Variants in CACNA1C observed in about 807,000 individuals in gnomAD.
CACNA1C encodes voltage-dependent L-type calcium channel subunit alpha-1C.
CACNA1C carries 30 observed loss-of-function variants against 229.0 expected under a neutral mutation model. The ratio of observed to expected loss-of-function variants is 0.13; its 90% CI spans 0.10 to 0.18. The LOEUF (loss-of-function observed/expected upper bound fraction) is 0.18. Ranked by LOEUF, CACNA1C falls within the 10% of genes least tolerant of loss-of-function variation. The pLI is 1.00. For synonymous variants in CACNA1C, 1,114 were observed against 1,132.5 expected (o/e 0.98, Z 0.33); for missense variants, 1,658 against 2,845.0 (o/e 0.58, Z 9.49).
intron 21 of CACNA1C, among the ~76,000 whole-genome samples, chr12:2,598,476 TC>T (rs1178602559): frequency 6.6e-6 from 1 of 152,194 alleles, no homozygotes; most frequent in Non-Finnish European, 1.5e-5. Flanking sequence ...TGTGCTCCTC[TC>T]TGAGCAAGGG....
chr12:2,136,006 G>A (rs1048950179), intron 3 of CACNA1C, among the ~76,000 whole-genome samples: 2 of 150,512 alleles, frequency 1.3e-5, no homozygotes, highest in South Asian at 2.1e-4. Context: ...ATATAGTCTC[G>A]TGGTGCGCCG....
chr12:2,204,981 A>G (rs1478491255), intron 3 of CACNA1C, among the ~76,000 whole-genome samples: 1 of 151,696 alleles, frequency 6.6e-6, no homozygotes, highest in Non-Finnish European at 1.5e-5. Flanking sequence ...CAAAAAAAAA[A>G]CCTCTTAGAT....
chr12:2,051,929 C>CAT (rs1174174571), upstream of CACNA1C, among the ~76,000 whole-genome samples: 1 of 152,170 alleles, frequency 6.6e-6, no homozygotes, highest in Non-Finnish European at 1.5e-5. Context: ...GTTAGGGTCA[C>CAT]CCAGGGAATG....
At position 2,601,759 on chromosome 12, in the gene CACNA1C, C is replaced by A. The variant is rs1336912513; in HGVS notation, c.2854-95C>A. 3.7e-6 allele frequency: 3 copies of A among 809,974 alleles called. No homozygotes were observed. In the Admixed American group the frequency reaches 5.4e-5, roughly 15 times the overall value. The allele number at this position is 809,974 out of a possible 1,614,324, so 50.2% of individuals were successfully genotyped here. A position where few individuals can be genotyped will look rare whatever the true frequency, so the allele number is the denominator to read the frequency against. On this transcript the variant is annotated intron_variant, in intron 21 of 46. Coordinates refer to ENST00000399655, the MANE Select transcript of CACNA1C (RefSeq NM_000719.7). This position sits in a 1 kb window ranked among gnomAD's most constrained non-coding sequence, Gnocchi z 5.9. The stretch of plus-strand genomic sequence containing the variant: ...CCCCATGGATGGTGCTTGGGACTTG[C>A]CCAAGGGATGCTGTGGGAGGAAGGG...
chr12:2,640,418 T>C (rs1474195955), intron 30 of CACNA1C, among the ~76,000 whole-genome samples: 2 of 152,208 alleles, frequency 1.3e-5, no homozygotes, highest in Non-Finnish European at 2.9e-5. Flanking sequence ...TGTCGGTTGA[T>C]GCTGCGGATG....
chr12:1,994,466 C>T (rs984186998), intron 1 of CACNA1C, among the ~76,000 whole-genome samples: 35 of 152,184 alleles, frequency 2.3e-4, no homozygotes, highest in African/African-American at 8.2e-4. Context: ...CAATCCTTGC[C>T]TAGCTTATTT....
rs190241927 is a variant in CACNA1C at position 2,416,220 on chromosome 12, C to T, written c.478-32756C>T. Among the ~76,000 whole-genome samples the T allele has an allele frequency of 1.2e-4, 18 of 152,298 alleles. No homozygotes were observed. The East Asian group carries it at 2.1e-3, about 18-fold the overall frequency. On this transcript the variant is annotated intron_variant, in intron 3 of 46. Coordinates refer to ENST00000399655, the MANE Select transcript of CACNA1C (RefSeq NM_000719.7). ...CGTCCTTCCCACCTGCGTGCACCTC[C>T]GTGACAGCACCCTTCCTTTATGGCT...
intron 9 of CACNA1C, among the ~76,000 whole-genome samples, chr12:2,548,169 C>A (rs1391141418): frequency 6.6e-6 from 1 of 152,104 alleles, no homozygotes; most frequent in Non-Finnish European, 1.5e-5. Context: ...TTGAGCAAAG[C>A]CCCTGGCAAG....
chr12:2,648,535 C>T, intron 31 of CACNA1C, 28 bp downstream of exon 31: 1 of 1,611,782 alleles, frequency 6.2e-7, no homozygotes, highest in Non-Finnish European at 8.5e-7. Context: ...GACCATGCTC[C>T]CGGCTTCCGT....
intron 3 of CACNA1C, among the ~76,000 whole-genome samples, chr12:2,384,456 A>G (rs954564941): frequency 2.6e-5 from 4 of 152,192 alleles, no homozygotes; most frequent in African/African-American, 7.2e-5. Flanking sequence ...GAATGAGCAC[A>G]ATTAGAGGTC....
chr12:2,264,471 G>A (rs2081536733), intron 3 of CACNA1C, among the ~76,000 whole-genome samples: 1 of 152,244 alleles, frequency 6.6e-6, no homozygotes, highest in Admixed American at 6.5e-5. Context: ...GGTCCAGGGA[G>A]ATGATGGGAC....
chr12:2,440,931 G>C (rs1244593190), intron 3 of CACNA1C, among the ~76,000 whole-genome samples: 1 of 152,186 alleles, frequency 6.6e-6, no homozygotes, highest in Admixed American at 6.5e-5. Context: ...TGAATACATG[G>C]GAGAAGAATG....
chr12:2,225,037 A>G (rs1047480922), intron 3 of CACNA1C, among the ~76,000 whole-genome samples: 1 of 152,164 alleles, frequency 6.6e-6, no homozygotes, highest in East Asian at 1.9e-4. Context: ...CTCTAAACTT[A>G]AGAGTGTGAA....
chr12:2,183,939 T>C (rs1312840855), intron 3 of CACNA1C, among the ~76,000 whole-genome samples: 1 of 152,238 alleles, frequency 6.6e-6, no homozygotes, highest in Non-Finnish European at 1.5e-5. Context: ...TTATGAATTA[T>C]ATCCATCCAC....
intron 3 of CACNA1C, among the ~76,000 whole-genome samples, chr12:2,369,113 C>G (rs2097787937): frequency 6.6e-6 from 1 of 152,202 alleles, no homozygotes; most frequent in South Asian, 2.1e-4. Context: ...ATGCATCAGT[C>G]AAAGGCAGAA....
intron 13 of CACNA1C, among the ~76,000 whole-genome samples, chr12:2,569,613 A>T (rs1450805312): frequency 6.6e-6 from 1 of 152,222 alleles, no homozygotes; most frequent in South Asian, 2.1e-4. Flanking sequence ...ATGTTGTAGC[A>T]TAGATCAGTA....
intron 7 of CACNA1C, among the ~76,000 whole-genome samples, chr12:2,497,093 A>G (rs2099748282): frequency 6.6e-6 from 1 of 152,164 alleles, no homozygotes; most frequent in African/African-American, 2.4e-5. Context: ...CCTTTTGCAC[A>G]TCATTCAAGG....
intron 1 of CACNA1C, among the ~76,000 whole-genome samples, chr12:2,028,814 AC>A (rs1325397136): frequency 4.6e-5 from 7 of 152,358 alleles, no homozygotes; most frequent in African/African-American, 1.7e-4. Context: ...GATGAAATAA[AC>A]CAGTGCATAT....
At chr12:2,417,325 T>G (rs981088519) in intron 3 of CACNA1C, among the ~76,000 whole-genome samples, 1 of 152,206 alleles carries the variant, frequency 6.6e-6, no homozygotes, top group African/African-American at 2.4e-5. Context: ...TCATTCACCT[T>G]CACCTCATGG....
Sources: gnomAD v4.1 joint callset for allele counts (sites outside exome capture counted in the v4.1 genomes callset) on GRCh38, gnomAD v4.1.1 for gene constraint, Gnocchi (gnomAD v3.1) non-coding constraint, MANE v1.5 for transcripts, NCBI Gene and HGNC (gene_info 2026-07-23, HGNC 2026-07-21) for gene names.